The following C14orf132 variants were observed in gnomAD, a reference collection of about 807,000 sequenced individuals.
C14orf132 encodes the protein uncharacterized protein C14orf132.
Under a neutral mutation model 5.8 loss-of-function variants are expected in C14orf132, and 6 were observed. The observed-to-expected ratio is 1.03, with a 90% CI of 0.57 to 2.04. C14orf132 has a LOEUF of 2.04. C14orf132 is among the 30% of genes most tolerant of loss of function. The pLI is 0.00. For synonymous variants in C14orf132, 51 were observed against 49.8 expected (o/e 1.02, Z -0.10); for missense variants, 125 against 115.8 (o/e 1.08, Z -0.37).
At position 96,049,608 on chromosome 14, in the gene C14orf132, A is replaced by ATACATATATACGTATATATG. The variant is rs1886958577; in HGVS notation, c.27+10100_27+10101insGTACATATATACGTATATAT. On this transcript the variant is annotated intron_variant, in intron 1 of 1. Transcript: ENST00000555004. ...TATATATACATATATACGTATATAT[A>ATACATATATACGTATATATG]TACATATATACGTATATATATACAT... is the stretch of plus-strand genomic sequence containing the variant. Among the ~76,000 whole-genome samples the ATACATATATACGTATATATG allele has an allele frequency of 4.4e-5, 4 of 90,282 alleles. No individual in the cohort carries two copies. The South Asian group carries it at 9.7e-4, about 22-fold the overall frequency. The allele number at this position is 90,282 out of a possible 152,430, so 59.2% of individuals were successfully genotyped here.
At chr14:96,062,607 C>T (rs1887393085) in intron 1 of C14orf132, among the ~76,000 whole-genome samples, 1 of 152,140 alleles carries the variant, frequency 6.6e-6, no homozygotes, top group Non-Finnish European at 1.5e-5. Flanking sequence ...AAAAGTCCTC[C>T]TGCCCAGCTC....
Position 96,090,893 on chromosome 14 carries a change from A to G in C14orf132, c.*4158A>G. On this transcript the variant is annotated 3_prime_UTR_variant, in exon 2 of 2. Coordinates refer to ENST00000555004, the MANE Select transcript of C14orf132 (RefSeq NM_001252507.3). Reference sequence around the variant, plus strand: ...GCCTGATCCCTGCAAGACAAATGGCACTTTCCTTCTTCAGAAGCATCATCT... The same window carrying G: ...GCCTGATCCCTGCAAGACAAATGGCGCTTTCCTTCTTCAGAAGCATCATCT... 1 of 456,100 alleles carries G rather than the reference A, an allele frequency of 2.2e-6. No individual in the cohort carries two copies. Among genetic ancestry groups the G allele is most frequent in the Non-Finnish European group, 4.4e-6 (1 of 226,800 alleles). The allele number at this position is 456,100 out of a possible 1,614,324, so 28.3% of individuals were successfully genotyped here. A position where few individuals can be genotyped will look rare whatever the true frequency, so the allele number is the denominator to read the frequency against.
In C14orf132 at chr14:96,039,777, G is replaced by T. The variant is rs1279374936; in HGVS notation, c.27+250G>T. On this transcript the variant is annotated intron_variant, in intron 1 of 1. Transcript: ENST00000555004. This position sits in a 1 kb window ranked among gnomAD's most constrained non-coding sequence, Gnocchi z 5.3. ...AGCTGTTCCCGCCCGGGCCCCTCTCGTTGGCAGGAAGGCTGCGAGGAGCCT... is the reference window on the plus strand; with the variant it reads ...AGCTGTTCCCGCCCGGGCCCCTCTCTTTGGCAGGAAGGCTGCGAGGAGCCT... 1.3e-5 allele frequency among the ~76,000 whole-genome samples: 2 copies of T among 152,158 alleles called. No individual in the cohort carries two copies. The highest frequency in any genetic ancestry group is 2.1e-4 in the South Asian group (1 of 4,830).
At chr14:96,067,628 G>A (rs1887570563) in intron 1 of C14orf132, among the ~76,000 whole-genome samples, 1 of 151,798 alleles carries the variant, frequency 6.6e-6, no homozygotes, top group Non-Finnish European at 1.5e-5. Context: ...GAACCCAGGA[G>A]GCAGAGGTTG....
rs971928574 is a variant in C14orf132, at chr14:96,088,792, G to T, written c.*2057G>T. The stretch of plus-strand genomic sequence containing the variant: ...ATGGAGATGGCAGTCGGGAGACAGG[G>T]TTCTGTGTTTGCTGCGGTGAAGGGA... On this transcript the variant is annotated 3_prime_UTR_variant, in exon 2 of 2. Coordinates refer to ENST00000555004, the MANE Select transcript of C14orf132 (RefSeq NM_001252507.3). 1 of 152,372 alleles carries T rather than the reference G, an allele frequency of 6.6e-6. No individual in the cohort carries two copies. The highest frequency in any genetic ancestry group is 1.5e-5 in the Non-Finnish European group (1 of 68,136). The allele number at this position is 152,372 out of a possible 1,614,324, so 9.4% of individuals were successfully genotyped here. A position where few individuals can be genotyped will look rare whatever the true frequency, so the allele number is the denominator to read the frequency against.
At chr14:96,050,311 C>T (rs953742619) in intron 1 of C14orf132, among the ~76,000 whole-genome samples, 1 of 152,168 alleles carries the variant, frequency 6.6e-6, no homozygotes, top group Non-Finnish European at 1.5e-5. Flanking sequence ...TAGGCAGGAT[C>T]AAGCCAAATT....
At chr14:96,044,237 G>A (rs114634226) in intron 1 of C14orf132, among the ~76,000 whole-genome samples, 1,878 of 152,274 alleles carry the variant, frequency 0.012, 35 homozygotes, top group African/African-American at 0.042. Context: ...GCAGTGGTGC[G>A]ATCATGGTTC....
intron 1 of C14orf132, among the ~76,000 whole-genome samples, chr14:96,056,133 G>T (rs1014910003): frequency 3.3e-5 from 5 of 152,244 alleles, no homozygotes; most frequent in African/African-American, 2.4e-5. Context: ...TCAGAATGCG[G>T]TGTAGGCCAT....
intron 1 of C14orf132, among the ~76,000 whole-genome samples, chr14:96,065,913 C>A (rs1014725587): frequency 6.6e-6 from 1 of 152,114 alleles, no homozygotes; most frequent in East Asian, 1.9e-4. Context: ...TTATGGCAAC[C>A]TTTGCCAGCT....
intron 1 of C14orf132, among the ~76,000 whole-genome samples, chr14:96,071,382 G>A (rs536901027): frequency 6.6e-6 from 1 of 152,018 alleles, no homozygotes; most frequent in Non-Finnish European, 1.5e-5. Context: ...ATTTGGGTGG[G>A]GACACAGCCA....
Position 96,039,686 on chromosome 14 carries a change from T to C in C14orf132, c.27+159T>C, listed in dbSNP as rs1313563788. Among the ~76,000 whole-genome samples the C allele has an allele frequency of 1.3e-5, 2 of 151,932 alleles. No homozygotes were observed. The highest frequency in any genetic ancestry group is 2.9e-5 in the Non-Finnish European group (2 of 67,960). On this transcript the variant is annotated intron_variant, in intron 1 of 1. Transcript: ENST00000555004. This position sits in a 1 kb window ranked among gnomAD's most constrained non-coding sequence, Gnocchi z 5.3. The stretch of plus-strand genomic sequence containing the variant: ...CGGACACCCCCACTTGGTGCACGCG[T>C]CGGGGGCGGCGATCGCGGCTCTCCC...
chr14:96,086,831 T>A lies in C14orf132; in HGVS notation c.*96T>A. 8.0e-7 allele frequency: 1 copy of A among 1,250,834 alleles called. No homozygotes were observed. Among genetic ancestry groups the A allele is most frequent in the Non-Finnish European group, 1.1e-6 (1 of 913,358 alleles). 77.5% of individuals were successfully genotyped at this position (1,250,834 alleles called of 1,614,324 possible). ...TTCTCCTGTGTTCTAGAACCAGGAGTTTTGACCAGGGGCGGCGGCCGTCCT... is the reference window on the plus strand; with the variant it reads ...TTCTCCTGTGTTCTAGAACCAGGAGATTTGACCAGGGGCGGCGGCCGTCCT... On this transcript the variant is annotated 3_prime_UTR_variant, in exon 2 of 2. Coordinates refer to ENST00000555004, the MANE Select transcript of C14orf132 (RefSeq NM_001252507.3).
At chr14:96,052,073 G>T (rs1480578489) in intron 1 of C14orf132, among the ~76,000 whole-genome samples, 1 of 152,272 alleles carries the variant, frequency 6.6e-6, no homozygotes, top group Non-Finnish European at 1.5e-5. Flanking sequence ...GAGGCTCAGA[G>T]AGCTTTGGGG....
chr14:96,065,988 G>C (rs1201999376), intron 1 of C14orf132, among the ~76,000 whole-genome samples: 1 of 152,144 alleles, frequency 6.6e-6, no homozygotes, highest in East Asian at 1.9e-4. Flanking sequence ...GAGATCCAGT[G>C]AAAGTGGCCT....
rs758129418 is a variant in C14orf132, at chr14:96,086,594, T to C, written c.111T>C (p.Asn37=). 3.9e-6 allele frequency: 6 copies of C among 1,536,150 alleles called. No individual in the cohort carries two copies. The South Asian group carries it at 4.8e-5, about 12-fold the overall frequency. The change falls in exon 2 of 2, where the codon AAT becomes AAC. Residue 37 remains asparagine, a synonymous_variant. Coordinates refer to ENST00000555004, the MANE Select transcript of C14orf132 (RefSeq NM_001252507.3). ...ACTCCCTGTTTAACTCCTCTGCCAA[T>C]GTCCACGCGGCTGCCAATGGCCAGG... ...TEYSLFNSSA[N]VHAAANGQGQ...
At chr14:96,046,253 C>T (rs1461575749) in intron 1 of C14orf132, among the ~76,000 whole-genome samples, 1 of 152,130 alleles carries the variant, frequency 6.6e-6, no homozygotes, top group African/African-American at 2.4e-5. Context: ...GTGTGTGTGT[C>T]TAGGAGCAAG....
intron 1 of C14orf132, among the ~76,000 whole-genome samples, chr14:96,077,205 C>T (rs932134870): frequency 6.6e-6 from 1 of 152,108 alleles, no homozygotes; most frequent in Non-Finnish European, 1.5e-5. Flanking sequence ...TGTTGATTTC[C>T]TATTTCTTTC....
chr14:96,083,659 A>G (rs1233623085), intron 1 of C14orf132, among the ~76,000 whole-genome samples: 2 of 152,332 alleles, frequency 1.3e-5, no homozygotes, highest in East Asian at 3.9e-4. Flanking sequence ...GAAGCTGGGA[A>G]AGGCGAGAAA....
chr14:96,042,939 G>T (rs1886732491), intron 1 of C14orf132, among the ~76,000 whole-genome samples: 1 of 152,236 alleles, frequency 6.6e-6, no homozygotes, highest in South Asian at 2.1e-4. Flanking sequence ...GGGCCACCTG[G>T]ATGTCCAGTG....
Sources: gnomAD v4.1 joint callset for allele counts (sites outside exome capture counted in the v4.1 genomes callset) on GRCh38, gnomAD v4.1.1 for gene constraint, Gnocchi (gnomAD v3.1) non-coding constraint, MANE v1.5 for transcripts, NCBI Gene and HGNC (gene_info 2026-07-23, HGNC 2026-07-21) for gene names.